FOXF2: variants seen among roughly 807,000 people sequenced by gnomAD.
The protein encoded by FOXF2 is forkhead box F2, also known as forkhead box protein F2.
A neutral mutation model predicts 29.1 loss-of-function variants in FOXF2; 15 were observed. That is an observed-to-expected ratio of 0.52 (90% confidence interval 0.35 to 0.79). The LOEUF is 0.79. FOXF2 is among the 30% of genes least tolerant of loss of function. The probability of loss-of-function intolerance (pLI) is 0.01; values close to 1 mark genes in which losing one functional copy is unlikely to be tolerated. For missense variants in FOXF2, 675 were observed against 667.1 expected, an observed-to-expected ratio of 1.01 and a Z score of -0.13; for synonymous variants, 337 against 316.5, an observed-to-expected ratio of 1.06 and a Z score of -0.69.
At chr6:1,393,045 C>T (rs115773466) in intron 1 of FOXF2, among the ~76,000 whole-genome samples, 1,793 of 152,324 alleles carry the variant, frequency 0.012, 40 homozygotes, top group African/African-American at 0.041. Context: ...ACCGGGACCC[C>T]GCGGGGCCTA....
At position 1,395,370 on chromosome 6, in the gene FOXF2, T is replaced by A. The variant is rs1398351138; in HGVS notation, c.*511T>A. ...GCCAAAGAACATTATTAAGGAATTA[T>A]TTAGAAACAATGTGTCTAGTTTAAG... On this transcript the variant is annotated 3_prime_UTR_variant, in exon 2 of 2. Transcript: ENST00000645481. 1 of 162,042 alleles carries A rather than the reference T, an allele frequency of 6.2e-6. No homozygotes were observed. Among genetic ancestry groups the A allele is most frequent in the African/African-American group, 2.4e-5 (1 of 41,610 alleles). 10.0% of individuals were successfully genotyped at this position (162,042 alleles called of 1,614,324 possible).
chr6:1,390,228 G>A lies in FOXF2; in HGVS notation c.281G>A (p.Gly94Glu). Residue 94 changes from glycine (G) to glutamate (E), a missense_variant, in exon 1 of 2, where the codon GGG becomes GAG. Physicochemically the swap from Gly to Glu is moderately conservative, Grantham distance 98. Around this residue, in one of 3 missense-constraint regions of FOXF2, gnomAD observed 220 missense variants for 205.5 expected, o/e 1.07. Transcript: ENST00000645481. This position sits in a 1 kb window ranked among gnomAD's most constrained non-coding sequence, Gnocchi z 8.5. ...GSGGAKKASS[G>E]LRRPEKPPYS... The stretch of plus-strand genomic sequence containing the variant: ...GGGGGCGCCAAGAAGGCGAGCTCGG[G>A]GCTGCGGCGGCCCGAGAAGCCGCCC... The A allele has an allele frequency of 6.3e-7, 1 of 1,596,322 alleles. No homozygotes were observed. Among genetic ancestry groups the A allele is most frequent in the African/African-American group, 1.3e-5 (1 of 74,282 alleles).
chr6:1,395,142 A>G lies in FOXF2; in HGVS notation c.*283A>G, dbSNP rs1312584989. The G allele has an allele frequency of 8.3e-6, 4 of 483,622 alleles. No homozygotes were observed. The highest frequency in any genetic ancestry group is 2.3e-5 in the South Asian group (1 of 43,442). 30.0% of individuals were successfully genotyped at this position (483,622 alleles called of 1,614,324 possible). A position where few individuals can be genotyped will look rare whatever the true frequency, so the allele number is the denominator to read the frequency against. ...AAGATGTGCCATGCGTAAGGCATCA[A>G]CGTGTATCTGTGGGATCTTCGTTGC... On this transcript the variant is annotated 3_prime_UTR_variant, in exon 2 of 2. Transcript: ENST00000645481.
chr6:1,391,158 G>T (rs1758782340), intron 1 of FOXF2, 40 bp downstream of exon 1: 2 of 1,595,398 alleles, frequency 1.3e-6, no homozygotes, highest in Non-Finnish European at 1.7e-6. Context: ...TGGGCGCACC[G>T]CTTCTAGGCC....
chr6:1,394,958 A>G lies in FOXF2; in HGVS notation c.*99A>G. ...TTCAAGTCACATGCACGCGGATAGC[A>G]GTAAGCCACACACCTGCCACTTAGC... On this transcript the variant is annotated 3_prime_UTR_variant, in exon 2 of 2. Transcript: ENST00000645481. The G allele has an allele frequency of 1.6e-6, 2 of 1,224,240 alleles. No homozygotes were observed. Among genetic ancestry groups the G allele is most frequent in the East Asian group, 4.7e-5 (2 of 42,854 alleles). The allele number at this position is 1,224,240 out of a possible 1,614,324, so 75.8% of individuals were successfully genotyped here. A position where few individuals can be genotyped will look rare whatever the true frequency, so the allele number is the denominator to read the frequency against.
In FOXF2 at chr6:1,390,353, T is replaced by G; in HGVS notation, c.406T>G (p.Phe136Val). The G allele has an allele frequency of 6.2e-7, 1 of 1,613,012 alleles. No individual in the cohort carries two copies. The highest frequency in any genetic ancestry group is 8.5e-7 in the Non-Finnish European group (1 of 1,179,922). Reference sequence around the variant, plus strand: ...CCAGTTCCTGCAGGCGCGCTTCCCCTTCTTCCGCGGCGCCTACCAGGGCTG... The same window carrying G: ...CCAGTTCCTGCAGGCGCGCTTCCCCGTCTTCCGCGGCGCCTACCAGGGCTG... ...IYQFLQARFP[F>V]FRGAYQGWKN... The change falls in exon 1 of 2, where the codon TTC (phenylalanine) becomes GTC (valine). Residue 136 changes from phenylalanine to valine, a missense_variant. Around this residue, in one of 3 missense-constraint regions of FOXF2, gnomAD observed 220 missense variants for 205.5 expected, o/e 1.07. Coordinates refer to ENST00000645481, the MANE Select transcript of FOXF2 (RefSeq NM_001452.2). The surrounding 1 kb of genome is among the most constrained non-coding windows in gnomAD (Gnocchi z 8.5).
At chr6:1,393,241 C>A (rs551791434) in intron 1 of FOXF2, among the ~76,000 whole-genome samples, 1 of 152,114 alleles carries the variant, frequency 6.6e-6, no homozygotes, top group Non-Finnish European at 1.5e-5. Context: ...GTCCATGTGC[C>A]CCTGCCGGCG....
At chr6:1,392,450 A>T (rs897676045) in intron 1 of FOXF2, among the ~76,000 whole-genome samples, 6 of 146,478 alleles carry the variant, frequency 4.1e-5, no homozygotes, top group Non-Finnish European at 7.4e-5. Context: ...ACACACACAC[A>T]CACACACACA....
Position 1,390,226 on chromosome 6 carries a change from G to C in FOXF2, c.279G>C (p.Ser93=), listed in dbSNP as rs1407550383. ...GCGGGGGCGCCAAGAAGGCGAGCTC[G>C]GGGCTGCGGCGGCCCGAGAAGCCGC... The part of the protein sequence containing the change: ...AGSGGAKKAS[S]GLRRPEKPPY... The change falls in exon 1 of 2, where the codon TCG becomes TCC. Residue 93 remains serine, a synonymous_variant. Transcript: ENST00000645481. The surrounding 1 kb of genome is among the most constrained non-coding windows in gnomAD (Gnocchi z 8.5). The C allele has an allele frequency of 8.8e-6, 14 of 1,588,186 alleles. No individual in the cohort carries two copies. Among genetic ancestry groups the C allele is most frequent in the African/African-American group, 2.7e-5 (2 of 73,134 alleles).
chr6:1,391,810 A>T (rs1176391734), intron 1 of FOXF2, among the ~76,000 whole-genome samples: 2 of 150,966 alleles, frequency 1.3e-5, no homozygotes, highest in Non-Finnish European at 2.9e-5. Flanking sequence ...CCCTGCTAGG[A>T]CTCCCCTGAG....
At position 1,390,775 on chromosome 6, in the gene FOXF2, G is replaced by T; in HGVS notation, c.828G>T (p.Met276Ile). ...ACCACCACCACCACGTCCCGCACATGTCGCCCAACCCGGGTTCCACCTACA... is the reference window on the plus strand; with the variant it reads ...ACCACCACCACCACGTCCCGCACATTTCGCCCAACCCGGGTTCCACCTACA... Reference protein sequence around the residue: ...HHHHHHHVPHMSPNPGSTYMA... With the variant: ...HHHHHHHVPHISPNPGSTYMA... The change falls in exon 1 of 2, where the codon ATG becomes ATT. Residue 276 changes from methionine (M) to isoleucine (I), a missense_variant. Physicochemically the swap from Met to Ile is conservative, Grantham distance 10. Transcript: ENST00000645481. The surrounding 1 kb of genome is among the most constrained non-coding windows in gnomAD (Gnocchi z 8.5). The T allele has an allele frequency of 7.2e-7, 1 of 1,392,966 alleles. No homozygotes were observed. Among genetic ancestry groups the T allele is most frequent in the Non-Finnish European group, 9.2e-7 (1 of 1,084,724 alleles). The allele number at this position is 1,392,966 out of a possible 1,614,324, so 86.3% of individuals were successfully genotyped here.
In FOXF2 at chr6:1,390,202, C is replaced by T. The variant is rs1411560832; in HGVS notation, c.255C>T (p.Ser85=). 3.3e-6 allele frequency: 5 copies of T among 1,518,894 alleles called. No homozygotes were observed. The highest frequency in any genetic ancestry group is 4.4e-6 in the Non-Finnish European group (5 of 1,136,072). The allele number at this position is 1,518,894 out of a possible 1,614,324, so 94.1% of individuals were successfully genotyped here. A position where few individuals can be genotyped will look rare whatever the true frequency, so the allele number is the denominator to read the frequency against. ...GCGGCGGCGGCGCGGGCGCCGGGAG[C>T]GGGGGCGCCAAGAAGGCGAGCTCGG... ...SAGGGGAGAG[S]GGAKKASSGL... Residue 85 remains serine (S), a synonymous_variant, in exon 1 of 2, where the codon AGC becomes AGT. Transcript: ENST00000645481. The surrounding 1 kb of genome is among the most constrained non-coding windows in gnomAD (Gnocchi z 8.5).
chr6:1,390,978 G>T lies in FOXF2; in HGVS notation c.1031G>T (p.Gly344Val). The T allele has an allele frequency of 6.3e-7, 1 of 1,595,020 alleles. No homozygotes were observed. Among genetic ancestry groups the T allele is most frequent in the Non-Finnish European group, 8.5e-7 (1 of 1,177,672 alleles). The change falls in exon 1 of 2, where the codon GGC becomes GTC. Residue 344 changes from glycine to valine, a missense_variant. Transcript: ENST00000645481. This position sits in a 1 kb window ranked among gnomAD's most constrained non-coding sequence, Gnocchi z 8.5. ...TSPAAHWSSP[G>V]ASPYLKQPPA... ...CCTGCGGCGCACTGGAGCTCGCCTG[G>T]CGCCTCGCCTTACCTCAAGCAGCCG...
chr6:1,390,733 C>G lies in FOXF2; in HGVS notation c.786C>G (p.His262Gln). The G allele has an allele frequency of 7.0e-7, 1 of 1,426,740 alleles. No individual in the cohort carries two copies. The highest frequency in any genetic ancestry group is 9.1e-7 in the Non-Finnish European group (1 of 1,102,518). The allele number at this position is 1,426,740 out of a possible 1,614,324, so 88.4% of individuals were successfully genotyped here. The change falls in exon 1 of 2, where the codon CAC (histidine) becomes CAG (glutamine). Residue 262 changes from histidine (H) to glutamine (Q), a missense_variant. Around this residue, in one of 3 missense-constraint regions of FOXF2, gnomAD observed 451 missense variants for 437.2 expected, o/e 1.03. Transcript: ENST00000645481. The surrounding 1 kb of genome is among the most constrained non-coding windows in gnomAD (Gnocchi z 8.5). ...ACGCCGGCGCGGGCGCCCCCAGCCACGCGCACCCTCACCACCACCACCACC... is the reference window on the plus strand; with the variant it reads ...ACGCCGGCGCGGGCGCCCCCAGCCAGGCGCACCCTCACCACCACCACCACC... ...GYDAGAGAPS[H>Q]AHPHHHHHHH...
chr6:1,391,930 GA>G (rs1215624136), intron 1 of FOXF2, among the ~76,000 whole-genome samples: 1 of 152,244 alleles, frequency 6.6e-6, no homozygotes, highest in Admixed American at 6.5e-5. Context: ...GGTGGGAGGG[GA>G]CGGTAGGGAT....
Position 1,390,672 on chromosome 6 carries a change from G to A in FOXF2, c.725G>A (p.Gly242Asp). Reference sequence around the variant, plus strand: ...CCGCTCGGCTGCCACAGCCAGGGCGGCTACGGCGGCCTCGACATGATGCCC... The same window carrying A: ...CCGCTCGGCTGCCACAGCCAGGGCGACTACGGCGGCCTCGACATGATGCCC... ...SAPLGCHSQG[G>D]YGGLDMMPAG... Residue 242 changes from glycine to aspartate, a missense_variant, in exon 1 of 2, where the codon GGC becomes GAC. This residue lies in a region of FOXF2 where 451 missense variants were observed against 437.2 expected (regional missense o/e 1.03). Coordinates refer to ENST00000645481, the MANE Select transcript of FOXF2 (RefSeq NM_001452.2). This position sits in a 1 kb window ranked among gnomAD's most constrained non-coding sequence, Gnocchi z 8.5. The A allele has an allele frequency of 6.5e-7, 1 of 1,537,616 alleles. No homozygotes were observed. The highest frequency in any genetic ancestry group is 8.7e-7 in the Non-Finnish European group (1 of 1,150,764).
In FOXF2 at chr6:1,394,737, G is replaced by A; in HGVS notation, c.1213G>A (p.Asp405Asn). 1.9e-6 allele frequency: 3 copies of A among 1,614,106 alleles called. No homozygotes were observed. Among genetic ancestry groups the A allele is most frequent in the Non-Finnish European group, 2.5e-6 (3 of 1,179,998 alleles). Residue 405 changes from aspartate to asparagine, a missense_variant, in exon 2 of 2, where the codon GAC becomes AAC. Around this residue, in one of 3 missense-constraint regions of FOXF2, gnomAD observed 451 missense variants for 437.2 expected, o/e 1.03. Coordinates refer to ENST00000645481, the MANE Select transcript of FOXF2 (RefSeq NM_001452.2). ...CCAGCATCACTCTACTCCAGTGTGT[G>A]ACAGAAAAGATTTCGTCCTCAACTT... Reference protein sequence around the residue: ...RYQHHSTPVCDRKDFVLNFNG... With the variant: ...RYQHHSTPVCNRKDFVLNFNG...
intron 1 of FOXF2, among the ~76,000 whole-genome samples, chr6:1,392,112 A>G (rs1169800987): frequency 6.6e-6 from 1 of 152,154 alleles, no homozygotes; most frequent in Non-Finnish European, 1.5e-5. Context: ...CAGCAATGAG[A>G]CAGTGGCTTG....
chr6:1,393,969 C>T (rs1273019332), intron 1 of FOXF2, among the ~76,000 whole-genome samples: 2 of 152,216 alleles, frequency 1.3e-5, no homozygotes, highest in Non-Finnish European at 2.9e-5. Flanking sequence ...CTGTCCCCCT[C>T]CAGCCTGGGG....
Sources: gnomAD v4.1 joint callset for allele counts (sites outside exome capture counted in the v4.1 genomes callset) on GRCh38, gnomAD v4.1.1 for gene constraint, gnomAD v4.1.1 regional missense constraint, Gnocchi (gnomAD v3.1) non-coding constraint, MANE v1.5 for transcripts, NCBI Gene and HGNC (gene_info 2026-07-23, HGNC 2026-07-21) for gene names.